The following FAM20A variants were observed in gnomAD, a reference collection of about 807,000 sequenced individuals.
FAM20A encodes FAM20A golgi associated secretory pathway pseudokinase.
FAM20A carries 42 observed loss-of-function variants against 52.0 expected under a neutral mutation model. The observed-to-expected ratio is 0.81, with a 90% confidence interval of 0.63 to 1.04. The LOEUF (loss-of-function observed/expected upper bound fraction) is 1.04. FAM20A is among the 50% of genes least tolerant of loss of function. The probability of loss-of-function intolerance (pLI) is 0.00; values close to 1 mark genes in which losing one functional copy is unlikely to be tolerated. For synonymous variants in FAM20A, 304 were observed against 298.9 expected, an observed-to-expected ratio of 1.02 and a Z score of -0.18; for missense variants, 742 against 712.7, an observed-to-expected ratio of 1.04 and a Z score of -0.47.
intron 1 of FAM20A, among the ~76,000 whole-genome samples, chr17:68,578,932 T>G (rs1201265658): frequency 1.3e-5 from 2 of 150,448 alleles, no homozygotes; most frequent in Non-Finnish European, 2.9e-5. Flanking sequence ...GAAGAATTGT[T>G]TGAACCCGGG....
At chr17:68,579,755 C>T (rs903494822) in intron 1 of FAM20A, among the ~76,000 whole-genome samples, 50 of 152,276 alleles carry the variant, frequency 3.3e-4, no homozygotes, top group African/African-American at 1.1e-3. Context: ...AAATGGTCTT[C>T]ACAGTCATCA....
At chr17:68,542,459 TGTAG>T (rs2086345552) in intron 6 of FAM20A, among the ~76,000 whole-genome samples, 1 of 152,132 alleles carries the variant, frequency 6.6e-6, no homozygotes, top group Non-Finnish European at 1.5e-5. Context: ...AGGCCAGCAT[TGTAG>T]GGTCAATGCC....
chr17:68,588,655 T>G (rs905245837), intron 1 of FAM20A, among the ~76,000 whole-genome samples: 2 of 152,230 alleles, frequency 1.3e-5, no homozygotes, highest in Admixed American at 1.3e-4. Context: ...CATGAGTTCC[T>G]TGTATCTCTC....
At chr17:68,582,902 C>G (rs998531641) in intron 1 of FAM20A, among the ~76,000 whole-genome samples, 1 of 141,584 alleles carries the variant, frequency 7.1e-6, no homozygotes, top group African/African-American at 2.6e-5. Context: ...CTGGTTCAAG[C>G]AATTCTCCTA....
At chr17:68,556,090 A>G (rs1007382582) in intron 1 of FAM20A, among the ~76,000 whole-genome samples, 2 of 152,226 alleles carry the variant, frequency 1.3e-5, no homozygotes, top group African/African-American at 4.8e-5. Context: ...TCTCAGGGTG[A>G]GACTGTGGGC....
rs79967692 is a variant in FAM20A at position 68,600,260 on chromosome 17, C to T, written c.404+3G>A. The T allele has an allele frequency of 2.7e-3, 4,265 of 1,560,872 alleles. 64 individuals are homozygous for T. The East Asian group carries it at 0.037, about 13-fold the overall frequency. On this transcript the variant is annotated splice_donor_region_variant and intron_variant, in intron 1 of 10. Coordinates refer to ENST00000592554, the MANE Select transcript of FAM20A (RefSeq NM_017565.4). This position sits in a 1 kb window ranked among gnomAD's most constrained non-coding sequence, Gnocchi z 6.2. Reference sequence around the variant, plus strand: ...TCTCCCGCGTCCCGGGCGGGGTCCTCACCTGTTCCAGCGGGCCACCTTCCT... The same window carrying T: ...TCTCCCGCGTCCCGGGCGGGGTCCTTACCTGTTCCAGCGGGCCACCTTCCT...
chr17:68,570,226 C>A (rs1168767898), intron 1 of FAM20A, among the ~76,000 whole-genome samples: 2 of 152,222 alleles, frequency 1.3e-5, no homozygotes, highest in East Asian at 1.9e-4. Flanking sequence ...TGGGCACCTG[C>A]CACCACACCT....
At chr17:68,551,249 GT>G in intron 4 of FAM20A, 2 of 767,144 alleles carry the variant, frequency 2.6e-6, no homozygotes, top group Non-Finnish European at 3.6e-6. Context: ...TCATCTCTAT[GT>G]TTCACAAAAT....
intron 8 of FAM20A, 81 bp from the exon 9 acceptor site, chr17:68,540,047 G>T (rs368303365): frequency 1.6e-6 from 2 of 1,225,808 alleles, no homozygotes; most frequent in South Asian, 1.2e-5. Flanking sequence ...TCCAGGGAAC[G>T]GAGGCCTGTC....
chr17:68,572,360 C>T (rs895917202), intron 1 of FAM20A, among the ~76,000 whole-genome samples: 2 of 152,132 alleles, frequency 1.3e-5, no homozygotes, highest in African/African-American at 4.8e-5. Flanking sequence ...GGCAATTGTG[C>T]AATTCACAAT....
At chr17:68,584,720 T>C (rs1409787165) in intron 1 of FAM20A, among the ~76,000 whole-genome samples, 1 of 152,242 alleles carries the variant, frequency 6.6e-6, no homozygotes, top group Non-Finnish European at 1.5e-5. Context: ...GCAAATAAAA[T>C]GGCTTTAATA....
intron 2 of FAM20A, 29 bp downstream of exon 2, chr17:68,555,530 C>G: frequency 6.2e-7 from 1 of 1,611,148 alleles, no homozygotes; most frequent in South Asian, 1.1e-5. Context: ...GAAAGTCAGT[C>G]CCCCCTTGCT....
chr17:68,585,834 A>C (rs977210845), intron 1 of FAM20A, among the ~76,000 whole-genome samples: 3 of 152,220 alleles, frequency 2.0e-5, no homozygotes, highest in Non-Finnish European at 2.9e-5. Context: ...AGACTCACTG[A>C]GAGCCATTGC....
At chr17:68,585,323 T>TA (rs2088135575) in intron 1 of FAM20A, among the ~76,000 whole-genome samples, 1 of 151,258 alleles carries the variant, frequency 6.6e-6, no homozygotes, top group Non-Finnish European at 1.5e-5. Flanking sequence ...ACACTATGTT[T>TA]ATTAATATCC....
chr17:68,551,214 A>G, intron 4 of FAM20A: 1 of 1,015,748 alleles, frequency 9.8e-7, no homozygotes, highest in Non-Finnish European at 1.3e-6. Context: ...AGCTCTGTCT[A>G]AGGACTCAAT....
intron 1 of FAM20A, among the ~76,000 whole-genome samples, chr17:68,575,835 A>ACACACAC (rs2087751548): frequency 2.0e-5 from 1 of 50,626 alleles, no homozygotes. Flanking sequence ...CACACACATA[A>ACACACAC]TCAGCCATTG....
At chr17:68,558,882 C>G (rs1418687544) in intron 1 of FAM20A, among the ~76,000 whole-genome samples, 2 of 152,160 alleles carry the variant, frequency 1.3e-5, no homozygotes, top group Non-Finnish European at 2.9e-5. Flanking sequence ...CCTCAGCCTT[C>G]TGAGTAGCTG....
intron 1 of FAM20A, among the ~76,000 whole-genome samples, chr17:68,565,860 A>G (rs1419031814): frequency 6.6e-6 from 1 of 152,130 alleles, no homozygotes; most frequent in Non-Finnish European, 1.5e-5. Flanking sequence ...CACAGCTGCA[A>G]GCACTTATTT....
At position 68,565,771 on chromosome 17, in the gene FAM20A, C is replaced by G. The variant is rs183855082; in HGVS notation, c.405-10028G>C. ...TCTTATCTGGATCCTGGAATAGTCT[C>G]TTTACTGATATTCACGACCTCAGTC... is the stretch of plus-strand genomic sequence containing the variant. On this transcript the variant is annotated intron_variant, in intron 1 of 10. Transcript: ENST00000592554. Among the ~76,000 whole-genome samples, 3 of 152,238 alleles carry G rather than the reference C, an allele frequency of 2.0e-5. No individual in the cohort carries two copies. The East Asian group carries it at 5.8e-4, about 29-fold the overall frequency.
Sources: allele counts gnomAD v4.1 joint callset (sites outside exome capture counted in the v4.1 genomes callset), GRCh38; gene constraint gnomAD v4.1.1; non-coding constraint Gnocchi (gnomAD v3.1); transcripts MANE v1.5; gene names NCBI Gene and HGNC (gene_info 2026-07-23, HGNC 2026-07-21).